ARHGAP21: variants seen among roughly 807,000 people sequenced by gnomAD.
ARHGAP21 encodes the protein rho GTPase-activating protein 21.
Under a neutral mutation model 164.6 loss-of-function variants are expected in ARHGAP21, and 38 were observed. That is an observed-to-expected ratio of 0.23 (90% CI 0.18 to 0.30). ARHGAP21 has a LOEUF of 0.30. ARHGAP21 is among the 10% of genes least tolerant of loss of function. The pLI, the probability that ARHGAP21 is intolerant of heterozygous loss-of-function variation, is 1.00. For synonymous variants in ARHGAP21, 766 were observed against 857.9 expected, an observed-to-expected ratio of 0.89 and a Z score of 1.87; for missense variants, 1,822 against 2,370.7, an observed-to-expected ratio of 0.77 and a Z score of 4.81.
intron 6 of ARHGAP21, 74 bp downstream of exon 6, chr10:24,633,328 A>C: frequency 9.6e-7 from 1 of 1,045,114 alleles, no homozygotes; most frequent in East Asian, 2.5e-5. Context: ...TAAGAATAGA[A>C]GATTGTATTA....
At chr10:24,595,493 G>GGAAACAATAATATTAAT (rs2076541884) in intron 19 of ARHGAP21, among the ~76,000 whole-genome samples, 1 of 152,024 alleles carries the variant, frequency 6.6e-6, no homozygotes, top group South Asian at 2.1e-4. Context: ...CCATTTGACT[G>GGAAACAATAATATTAAT]GAAACAATAA....
Position 24,620,529 on chromosome 10 carries a change from G to A in ARHGAP21, c.1366C>T (p.Arg456Cys), listed in dbSNP as rs770619381. 118 of 1,611,736 alleles carry A rather than the reference G, an allele frequency of 7.3e-5. No homozygotes were observed. Among genetic ancestry groups the A allele is most frequent in the Non-Finnish European group, 9.9e-5 (117 of 1,178,742 alleles). Residue 456 changes from arginine to cysteine, a missense_variant, in exon 9 of 26, where the codon CGC (arginine) becomes TGC (cysteine). Coordinates refer to ENST00000396432, the MANE Select transcript of ARHGAP21 (RefSeq NM_020824.4). ...TCCAGTCTTTCTTGGGACACACTGC[G>A]TTGCCGTATCTGGACAGACTGGGGC... ...RVPQSVQIRQ[R>C]SVSQERLEDS...
In ARHGAP21 at chr10:24,622,723, C is replaced by T. The variant is rs201474491; in HGVS notation, c.525+10G>A. On this transcript the variant is annotated intron_variant, in intron 8 of 25. Coordinates refer to ENST00000396432, the MANE Select transcript of ARHGAP21 (RefSeq NM_020824.4). ...AAAAAGCAAGGAAATGGCTACTGTG[C>T]ATTTCTTACCAGTGCTGTGACATCC... 6 of 1,608,888 alleles carry T rather than the reference C, an allele frequency of 3.7e-6. No homozygotes were observed. In the Admixed American group the frequency reaches 8.5e-5, roughly 23 times the overall value.
intron 4 of ARHGAP21, among the ~76,000 whole-genome samples, chr10:24,655,969 T>G (rs920348497): frequency 8.5e-6 from 1 of 117,380 alleles, no homozygotes; most frequent in Non-Finnish European, 1.7e-5. Context: ...GAGGAGACCC[T>G]CTGCCTGGCA....
chr10:24,608,030 T>TG, intron 9 of ARHGAP21, 127 bp from the exon 10 acceptor site: 2 of 759,886 alleles, frequency 2.6e-6, no homozygotes, highest in Non-Finnish European at 4.0e-6. Context: ...AGCACATCAC[T>TG]AAATGACCTA....
Position 24,621,127 on chromosome 10 carries a change from A to G in ARHGAP21, c.768T>C (p.Asp256=), listed in dbSNP as rs1261969895. 1 of 1,613,480 alleles carries G rather than the reference A, an allele frequency of 6.2e-7. No individual in the cohort carries two copies. Among genetic ancestry groups the G allele is most frequent in the Non-Finnish European group, 8.5e-7 (1 of 1,179,568 alleles). The change falls in exon 9 of 26, where the codon GAT becomes GAC. Residue 256 remains aspartate (D), a synonymous_variant. Transcript: ENST00000396432. ...ACACTGCTGTGTTTGATTTTGCAAC[A>G]TCTGTTGGTGATGGAGGCACTTGTA... The part of the protein sequence containing the change: ...MEIQVPPSPT[D]VAKSNTAVCV...
rs1377770740 is a variant in ARHGAP21 at position 24,722,171 on chromosome 10, T to C, written c.-272A>G. 5 of 488,880 alleles carry C rather than the reference T, an allele frequency of 1.0e-5. No individual in the cohort carries two copies. Among genetic ancestry groups the C allele is most frequent in the African/African-American group, 9.8e-5 (5 of 51,182 alleles). 30.3% of individuals were successfully genotyped at this position (488,880 alleles called of 1,614,324 possible). On this transcript the variant is annotated 5_prime_UTR_variant, in exon 2 of 26. Transcript: ENST00000396432. ...GGCGACAGGTCTTCTTGGCAGCCAG[T>C]GTCGAGGCCAATTGCAGAAAGCGGT...
At chr10:24,636,070 T>C (rs1284322145) in intron 4 of ARHGAP21, among the ~76,000 whole-genome samples, 3 of 152,210 alleles carry the variant, frequency 2.0e-5, no homozygotes, top group African/African-American at 2.4e-5. Flanking sequence ...CCATGGATCA[T>C]TGGCATTAAC....
At chr10:24,682,123 A>C (rs1443890144) in intron 2 of ARHGAP21, among the ~76,000 whole-genome samples, 4 of 152,230 alleles carry the variant, frequency 2.6e-5, no homozygotes, top group Non-Finnish European at 5.9e-5. Flanking sequence ...CCTAAAAAAA[A>C]AAAACATAGG....
chr10:24,689,009 T>C lies in ARHGAP21; in HGVS notation c.64-18612A>G, dbSNP rs535107188. Among the ~76,000 whole-genome samples, 3 of 152,210 alleles carry C rather than the reference T, an allele frequency of 2.0e-5. No individual in the cohort carries two copies. The East Asian group carries it at 5.8e-4, about 30-fold the overall frequency. On this transcript the variant is annotated intron_variant, in intron 2 of 25. Coordinates refer to ENST00000396432, the MANE Select transcript of ARHGAP21 (RefSeq NM_020824.4). ...CTGCTTGGGAGAGAGGCAAGGGCGT[T>C]TGTACAGAAACCTACTCTACTAATT... is the stretch of plus-strand genomic sequence containing the variant.
rs531755131 is a variant in ARHGAP21 at position 24,597,822 on chromosome 10, G to A, written c.3197+123C>T. The A allele has an allele frequency of 1.6e-5, 18 of 1,157,104 alleles. No individual in the cohort carries two copies. In the African/African-American group the frequency reaches 2.2e-4, roughly 14 times the overall value. The allele number at this position is 1,157,104 out of a possible 1,614,324, so 71.7% of individuals were successfully genotyped here. A position where few individuals can be genotyped will look rare whatever the true frequency, so the allele number is the denominator to read the frequency against. ...ATGGGAAAAAATATAGCGTAGAGAG[G>A]ATTTGGTACTATCTGCGGTTTCAAG... On this transcript the variant is annotated intron_variant, in intron 15 of 25. Coordinates refer to ENST00000396432, the MANE Select transcript of ARHGAP21 (RefSeq NM_020824.4).
intron 2 of ARHGAP21, among the ~76,000 whole-genome samples, chr10:24,720,404 C>T (rs1845809795): frequency 6.6e-6 from 1 of 152,154 alleles, no homozygotes; most frequent in African/African-American, 2.4e-5. Flanking sequence ...TAAGCAATCA[C>T]CAGGTTGCAG....
intron 4 of ARHGAP21, among the ~76,000 whole-genome samples, chr10:24,659,291 G>A (rs1375868094): frequency 1.3e-5 from 2 of 152,186 alleles, no homozygotes; most frequent in Non-Finnish European, 2.9e-5. Context: ...ATCTTTTATT[G>A]TTATCTACCT....
chr10:24,662,653 T>C (rs916762892), intron 4 of ARHGAP21, among the ~76,000 whole-genome samples: 1 of 152,214 alleles, frequency 6.6e-6, no homozygotes, highest in Non-Finnish European at 1.5e-5. Flanking sequence ...CTCTCATACC[T>C]TTCCATATTC....
At position 24,595,198 on chromosome 10, in the gene ARHGAP21, C is replaced by T. The variant is rs2076525469; in HGVS notation, c.3713-8G>A. 1.2e-6 allele frequency: 2 copies of T among 1,605,160 alleles called. No individual in the cohort carries two copies. The highest frequency in any genetic ancestry group is 2.2e-5 in the East Asian group (1 of 44,698). ...TAAAATCAGCATATTTATCTGACGA[C>T]AAGAACAATAAAACAAATTTATCTT... On this transcript the variant is annotated splice_region_variant and splice_polypyrimidine_tract_variant and intron_variant, in intron 19 of 25. Transcript: ENST00000396432.
intron 13 of ARHGAP21, 106 bp from the exon 14 acceptor site, chr10:24,601,036 T>C: frequency 7.6e-7 from 1 of 1,317,802 alleles, no homozygotes; most frequent in South Asian, 1.5e-5. Flanking sequence ...ATATAACTAG[T>C]GTAGCAGGTG....
chr10:24,705,582 T>A (rs1844147796), intron 2 of ARHGAP21, among the ~76,000 whole-genome samples: 1 of 152,220 alleles, frequency 6.6e-6, no homozygotes, highest in African/African-American at 2.4e-5. Context: ...ACATCACAGT[T>A]ATGGAAGAAC....
intron 2 of ARHGAP21, among the ~76,000 whole-genome samples, chr10:24,706,957 C>A (rs901627756): frequency 6.6e-6 from 1 of 152,174 alleles, no homozygotes; most frequent in Non-Finnish European, 1.5e-5. Context: ...TGGCTCCGGT[C>A]CACAGCAAAC....
rs186439364 is a variant in ARHGAP21, at chr10:24,694,508, C to G, written c.64-24111G>C. ...AGGCTGAAGGTACCTATGTGACCTGCCCCCAGTAAACATCTTGTCTTGAAT... is the reference window on the plus strand; with the variant it reads ...AGGCTGAAGGTACCTATGTGACCTGGCCCCAGTAAACATCTTGTCTTGAAT... On this transcript the variant is annotated intron_variant, in intron 2 of 25. Transcript: ENST00000396432. Among the ~76,000 whole-genome samples the G allele has an allele frequency of 2.0e-5, 3 of 152,290 alleles. No homozygotes were observed. In the East Asian group the frequency reaches 5.8e-4, roughly 29 times the overall value.
Sources: allele counts gnomAD v4.1 joint callset (sites outside exome capture counted in the v4.1 genomes callset), GRCh38; gene constraint gnomAD v4.1.1; transcripts MANE v1.5; gene names NCBI Gene and HGNC (gene_info 2026-07-23, HGNC 2026-07-21).